ATP6V1E2: variants seen among roughly 807,000 people sequenced by gnomAD.
ATP6V1E2 encodes the protein ATPase H+ transporting V1 subunit E2.
For missense variants in ATP6V1E2, 308 were observed against 273.3 expected, an observed-to-expected ratio of 1.13 and a Z score of -0.90; for synonymous variants, 121 against 104.2, an observed-to-expected ratio of 1.16 and a Z score of -0.98.
At chr2:46,532,407 G>A (rs1186692372) in intron 4 of ATP6V1E2, among the ~76,000 whole-genome samples, 2 of 148,666 alleles carry the variant, frequency 1.3e-5, no homozygotes, top group African/African-American at 5.0e-5. Context: ...ATGTATTTAT[G>A]TATGTATTTA....
rs1667827832 is a variant in ATP6V1E2, at chr2:46,542,377, C to T, written c.-534G>A. The T allele has an allele frequency of 6.6e-6, 1 of 151,656 alleles. No individual in the cohort carries two copies. Among genetic ancestry groups the T allele is most frequent in the Non-Finnish European group, 1.5e-5 (1 of 67,908 alleles). 9.4% of individuals were successfully genotyped at this position (151,656 alleles called of 1,614,324 possible). ...GTGGTTCCCCGAGAGGCCTCCACGT[C>T]TTCTCCCAGCATCGGGGCCTTTGGA... On this transcript the variant is annotated 5_prime_UTR_variant, in exon 1 of 5. Coordinates refer to ENST00000522587, the MANE Select transcript of ATP6V1E2 (RefSeq NM_001318063.2).
intron 4 of ATP6V1E2, chr2:46,534,881 C>T (rs1667366775): frequency 6.6e-6 from 1 of 152,248 alleles, no homozygotes; most frequent in Admixed American, 6.5e-5. Context: ...AATCAGCTCA[C>T]AGCTCCGCAG....
intron 4 of ATP6V1E2, among the ~76,000 whole-genome samples, chr2:46,515,473 G>A (rs1038735564): frequency 5.3e-5 from 8 of 152,056 alleles, no homozygotes; most frequent in African/African-American, 1.9e-4. Flanking sequence ...TTAGCCCACA[G>A]TTACTACAAA....
intron 4 of ATP6V1E2, among the ~76,000 whole-genome samples, chr2:46,531,599 C>T (rs1411524981): frequency 6.6e-6 from 1 of 152,174 alleles, no homozygotes; most frequent in East Asian, 1.9e-4. Context: ...TTTCAAAGAC[C>T]TTCGAACTGT....
chr2:46,516,567 C>T (rs1243050860), intron 4 of ATP6V1E2, among the ~76,000 whole-genome samples: 1 of 152,114 alleles, frequency 6.6e-6, no homozygotes. Flanking sequence ...GCACTCCAGT[C>T]TGGGCAACAG....
chr2:46,533,519 C>G (rs1359632117), intron 4 of ATP6V1E2, among the ~76,000 whole-genome samples: 1 of 152,142 alleles, frequency 6.6e-6, no homozygotes, highest in Admixed American at 6.6e-5. Flanking sequence ...AGCAATATAC[C>G]TGCCTCAGCC....
At chr2:46,534,067 C>A (rs1667321730) in intron 4 of ATP6V1E2, among the ~76,000 whole-genome samples, 1 of 151,962 alleles carries the variant, frequency 6.6e-6, no homozygotes, top group Admixed American at 6.5e-5. Context: ...CTTTGTTTTT[C>A]TCCTACTTTG....
At chr2:46,525,619 C>A (rs1446485275) in intron 4 of ATP6V1E2, among the ~76,000 whole-genome samples, 1 of 152,114 alleles carries the variant, frequency 6.6e-6, no homozygotes. Context: ...TGAAAAGCTT[C>A]ATCTCTGCTT....
At position 46,538,862 on chromosome 2, in the gene ATP6V1E2, G is replaced by T. The variant is rs1306602901; in HGVS notation, c.-309-2159C>A. On this transcript the variant is annotated intron_variant, in intron 2 of 4. Transcript: ENST00000522587. ...CTCATGCCTATAATCCCAGCTTCTT[G>T]GGAGGCTGAGGTGAGAGAATTGCTT... Among the ~76,000 whole-genome samples the T allele has an allele frequency of 2.6e-5, 4 of 152,116 alleles. No homozygotes were observed. In the East Asian group the frequency reaches 5.8e-4, roughly 22 times the overall value.
chr2:46,527,469 C>A (rs1379528210), intron 4 of ATP6V1E2, among the ~76,000 whole-genome samples: 2 of 152,324 alleles, frequency 1.3e-5, no homozygotes, highest in Middle Eastern at 3.4e-3. Context: ...GATCTGCCCA[C>A]CTTGGCCTCC....
At chr2:46,528,989 G>A (rs1044935661) in intron 4 of ATP6V1E2, among the ~76,000 whole-genome samples, 1 of 152,094 alleles carries the variant, frequency 6.6e-6, no homozygotes, top group Non-Finnish European at 1.5e-5. Flanking sequence ...GGAGAAGTTG[G>A]CCCAGGCTGG....
chr2:46,517,340 G>C (rs1687759334), intron 4 of ATP6V1E2, among the ~76,000 whole-genome samples: 1 of 152,146 alleles, frequency 6.6e-6, no homozygotes, highest in Non-Finnish European at 1.5e-5. Context: ...ACTAAAAATT[G>C]ATTGAAGACT....
rs1243796440 is a variant in ATP6V1E2, at chr2:46,529,331, TACCC to T, written c.-102+6478_-102+6481del. 2.6e-5 allele frequency among the ~76,000 whole-genome samples: 4 copies of T among 152,232 alleles called. No individual in the cohort carries two copies. In the East Asian group the frequency reaches 7.7e-4, roughly 29 times the overall value. ...GTACTGGTTTGCAAGGAAAAGACTGTACCCATTCAGTGCTGTCCCTCACCATGCC... is the reference window on the plus strand; with the variant it reads ...GTACTGGTTTGCAAGGAAAAGACTGTATTCAGTGCTGTCCCTCACCATGCC... On this transcript the variant is annotated intron_variant, in intron 4 of 4. Transcript: ENST00000522587.
At chr2:46,531,872 A>G (rs1338204711) in intron 4 of ATP6V1E2, among the ~76,000 whole-genome samples, 2 of 152,240 alleles carry the variant, frequency 1.3e-5, no homozygotes, top group African/African-American at 4.8e-5. Context: ...CCCCTTTAAA[A>G]AAATAAACTA....
At chr2:46,512,873 G>C in intron 4 of ATP6V1E2, 61 bp from the exon 5 acceptor site, 1 of 637,500 alleles carries the variant, frequency 1.6e-6, no homozygotes. Context: ...GGATTACAGA[G>C]ACTGTATATA....
intron 4 of ATP6V1E2, among the ~76,000 whole-genome samples, chr2:46,514,881 A>C (rs1211731171): frequency 6.6e-6 from 1 of 152,220 alleles, no homozygotes; most frequent in Non-Finnish European, 1.5e-5. Flanking sequence ...AGTCAAAGAC[A>C]GAAAGAGAAA....
chr2:46,517,972 G>T (rs1412571933), intron 4 of ATP6V1E2, among the ~76,000 whole-genome samples: 2 of 152,186 alleles, frequency 1.3e-5, no homozygotes, highest in Non-Finnish European at 2.9e-5. Context: ...AGTTAAAAAT[G>T]GAATTACCAT....
At chr2:46,540,645 C>G (rs1403916842) in intron 2 of ATP6V1E2, among the ~76,000 whole-genome samples, 1 of 67,484 alleles carries the variant, frequency 1.5e-5, no homozygotes. Flanking sequence ...TTTTTTACCA[C>G]TTGGACATTA....
chr2:46,528,700 T>C (rs1667045333), intron 4 of ATP6V1E2, among the ~76,000 whole-genome samples: 1 of 152,206 alleles, frequency 6.6e-6, no homozygotes, highest in South Asian at 2.1e-4. Context: ...ATGCTACTCG[T>C]AGGTTGGGCA....
Sources: allele counts gnomAD v4.1 joint callset (sites outside exome capture counted in the v4.1 genomes callset), GRCh38; gene constraint gnomAD v4.1.1; transcripts MANE v1.5; gene names NCBI Gene and HGNC (gene_info 2026-07-23, HGNC 2026-07-21).